MCU: variants seen among roughly 807,000 people sequenced by gnomAD.
The protein encoded by MCU is mitochondrial calcium uniporter.
In MCU, 12 loss-of-function variants were observed where a neutral mutation model predicts 45.2. The ratio of observed to expected loss-of-function variants is 0.27; its 90% CI spans 0.17 to 0.43. The LOEUF (loss-of-function observed/expected upper bound fraction) is 0.43. MCU is among the 20% of genes least tolerant of loss of function. The pLI is 1.00. For synonymous variants in MCU, 160 were observed against 165.1 expected, an observed-to-expected ratio of 0.97 and a Z score of 0.24; for missense variants, 324 against 436.7, an observed-to-expected ratio of 0.74 and a Z score of 2.30.
At chr10:72,739,151 A>G (rs1289827790) in intron 1 of MCU, among the ~76,000 whole-genome samples, 1 of 152,222 alleles carries the variant, frequency 6.6e-6, no homozygotes, top group Non-Finnish European at 1.5e-5. Flanking sequence ...AGTAGAAACT[A>G]TGAATTGAGA....
chr10:72,781,811 C>T (rs150266781), intron 1 of MCU, among the ~76,000 whole-genome samples: 181 of 151,912 alleles, frequency 1.2e-3, no homozygotes, highest in African/African-American at 4.1e-3. Flanking sequence ...AAGGTCTTTG[C>T]GACTTGGCCA....
At chr10:72,870,372 G>A (rs919799530) in intron 5 of MCU, among the ~76,000 whole-genome samples, 13 of 152,036 alleles carry the variant, frequency 8.6e-5, no homozygotes, top group African/African-American at 1.2e-4. Context: ...TCCACCTCCC[G>A]GGTTCACGCC....
intron 1 of MCU, among the ~76,000 whole-genome samples, chr10:72,815,159 T>C (rs1844606125): frequency 6.6e-6 from 1 of 152,262 alleles, no homozygotes. Flanking sequence ...TTTGCAGCCA[T>C]ATAGTTTCTG....
intron 1 of MCU, among the ~76,000 whole-genome samples, chr10:72,731,521 A>G (rs1261972138): frequency 1.3e-5 from 2 of 152,294 alleles, no homozygotes; most frequent in East Asian, 1.9e-4. Context: ...AGGTAGTCAC[A>G]GGATTCTGCA....
chr10:72,705,973 ACTCT>A (rs36065692), intron 1 of MCU, among the ~76,000 whole-genome samples: 8 of 151,548 alleles, frequency 5.3e-5, no homozygotes, highest in Non-Finnish European at 8.8e-5. Context: ...ACAGAGCAAG[ACTCT>A]CTCTCAAAAA....
chr10:72,865,999 G>T (rs752226010), intron 4 of MCU, among the ~76,000 whole-genome samples: 1 of 150,234 alleles, frequency 6.7e-6, no homozygotes, highest in South Asian at 2.1e-4. Flanking sequence ...GAATGGTCTT[G>T]ATCTCCTGAC....
intron 1 of MCU, among the ~76,000 whole-genome samples, chr10:72,804,769 C>T (rs771176009): frequency 1.3e-5 from 2 of 152,158 alleles, no homozygotes; most frequent in Non-Finnish European, 2.9e-5. Context: ...ATTGTATCCA[C>T]GTCTTAGCCG....
At chr10:72,835,740 GCTCT>G in intron 2 of MCU, among the ~76,000 whole-genome samples, 1 of 152,244 alleles carries the variant, frequency 6.6e-6, no homozygotes, top group Middle Eastern at 3.4e-3. Context: ...ATATTAGCTG[GCTCT>G]CTGTTTCCAG....
chr10:72,697,711 G>C (rs1032379391), intron 1 of MCU, among the ~76,000 whole-genome samples: 1 of 152,132 alleles, frequency 6.6e-6, no homozygotes, highest in African/African-American at 2.4e-5. Context: ...TGGGATTACA[G>C]GTGTGAGCCA....
At chr10:72,718,126 G>A (rs988344112) in intron 1 of MCU, among the ~76,000 whole-genome samples, 2 of 152,076 alleles carry the variant, frequency 1.3e-5, no homozygotes, top group African/African-American at 2.4e-5. Flanking sequence ...TAGCATGTTC[G>A]TTGAAATAGG....
At chr10:72,694,951 T>C (rs1156342481) in intron 1 of MCU, among the ~76,000 whole-genome samples, 1 of 152,212 alleles carries the variant, frequency 6.6e-6, no homozygotes, top group African/African-American at 2.4e-5. Context: ...AGAGTAAAGG[T>C]ACAGGGGCTT....
rs144972676 is a variant in MCU at position 72,698,066 on chromosome 10, C to A, written c.150+5765C>A. 4.5e-3 allele frequency among the ~76,000 whole-genome samples: 680 copies of A among 152,132 alleles called. 5 individuals carry two copies. The highest frequency in any genetic ancestry group is 0.016 in the African/African-American group (646 of 41,524). On this transcript the variant is annotated intron_variant, in intron 1 of 7. Coordinates refer to ENST00000373053, the MANE Select transcript of MCU (RefSeq NM_138357.3). ...AGAGTGTTGGGATTACAGGCATGAG[C>A]TACCACATCCAGCACAAAATCATGC...
intron 1 of MCU, among the ~76,000 whole-genome samples, chr10:72,788,397 A>G (rs2132761367): frequency 6.6e-6 from 1 of 152,330 alleles, no homozygotes; most frequent in Middle Eastern, 3.4e-3. Context: ...GGCCAAGGCA[A>G]GAGGATCCCT....
At chr10:72,713,213 T>C (rs1842916651) in intron 1 of MCU, among the ~76,000 whole-genome samples, 1 of 152,240 alleles carries the variant, frequency 6.6e-6, no homozygotes, top group Non-Finnish European at 1.5e-5. Flanking sequence ...AAAAATACTT[T>C]TGCCTTTTTT....
In MCU at chr10:72,884,482, G is replaced by A. The variant is rs1845750102; in HGVS notation, c.978+100G>A. ...CTTCAAATGAGTAAACTGAAGGAAT[G>A]TTCCAACCCTCTTCTTCCTGTATAA... On this transcript the variant is annotated intron_variant, in intron 7 of 7. Transcript: ENST00000373053. 24 of 697,056 alleles carry A rather than the reference G, an allele frequency of 3.4e-5. 1 individual carries two copies. In the South Asian group the frequency reaches 3.8e-4, roughly 11 times the overall value. 43.2% of individuals were successfully genotyped at this position (697,056 alleles called of 1,614,324 possible).
chr10:72,860,440 G>A lies in MCU; in HGVS notation c.409G>A (p.Ala137Thr). The A allele has an allele frequency of 3.1e-6, 5 of 1,613,984 alleles. No individual in the cohort carries two copies. Among genetic ancestry groups the A allele is most frequent in the East Asian group, 2.2e-5 (1 of 44,854 alleles). ...IYSPDGVRVAASTGIDLLLLD... is the reference protein window; with the variant it reads ...IYSPDGVRVATSTGIDLLLLD... ...TTTCACAGATGGTGTTCGCGTTGCT[G>A]CTTCAACAGGAATAGACCTCCTCCT... The change falls in exon 4 of 8, where the codon GCT becomes ACT. Residue 137 changes from alanine to threonine, a missense_variant. Ala to Thr is a moderately conservative substitution (Grantham distance 58, BLOSUM62 0). Coordinates refer to ENST00000373053, the MANE Select transcript of MCU (RefSeq NM_138357.3).
At chr10:72,883,069 G>A (rs747228859) in intron 6 of MCU, among the ~76,000 whole-genome samples, 1 of 152,188 alleles carries the variant, frequency 6.6e-6, no homozygotes, top group African/African-American at 2.4e-5. Flanking sequence ...ACTGATACAT[G>A]CCACAAATGG....
At chr10:72,778,771 T>A (rs1283560673) in intron 1 of MCU, among the ~76,000 whole-genome samples, 1 of 151,792 alleles carries the variant, frequency 6.6e-6, no homozygotes, top group Non-Finnish European at 1.5e-5. Flanking sequence ...ATATAAAAAA[T>A]CACTATCCTT....
intron 1 of MCU, among the ~76,000 whole-genome samples, chr10:72,729,326 C>T (rs750621229): frequency 8.6e-5 from 13 of 151,982 alleles, no homozygotes; most frequent in African/African-American, 1.7e-4. Flanking sequence ...AAAATTTAGC[C>T]GGGCATGGTG....
Sources: gnomAD v4.1 joint callset for allele counts (sites outside exome capture counted in the v4.1 genomes callset) on GRCh38, gnomAD v4.1.1 for gene constraint, MANE v1.5 for transcripts, NCBI Gene and HGNC (gene_info 2026-07-23, HGNC 2026-07-21) for gene names.